Variants in CALN1 observed in about 807,000 individuals in gnomAD.
CALN1 encodes the protein calcium-binding protein 8.
A neutral mutation model predicts 30.6 loss-of-function variants in CALN1; 17 were observed. That is an observed-to-expected ratio of 0.56 (90% CI 0.38 to 0.83). The LOEUF (loss-of-function observed/expected upper bound fraction) is 0.83, where lower values mean the gene tolerates loss of function less well. CALN1 is among the 40% of genes least tolerant of loss of function. The pLI, the probability that CALN1 is intolerant of heterozygous loss-of-function variation, is 0.00. For missense variants in CALN1, 291 were observed against 354.9 expected, an observed-to-expected ratio of 0.82 and a Z score of 1.45; for synonymous variants, 156 against 131.4, an observed-to-expected ratio of 1.19 and a Z score of -1.28.
intron 5 of CALN1, among the ~76,000 whole-genome samples, chr7:71,934,399 G>A (rs1795722035): frequency 6.6e-6 from 1 of 152,114 alleles, no homozygotes; most frequent in Non-Finnish European, 1.5e-5. Flanking sequence ...AATTTATAAA[G>A]AAAAGAGGTT....
chr7:72,142,121 G>A (rs1019329710), intron 3 of CALN1, among the ~76,000 whole-genome samples: 1 of 152,150 alleles, frequency 6.6e-6, no homozygotes, highest in Non-Finnish European at 1.5e-5. Context: ...GTCAGACAGT[G>A]GGTGCAGGAC....
intron 2 of CALN1, among the ~76,000 whole-genome samples, chr7:72,346,476 T>C (rs1195765266): frequency 1.3e-5 from 2 of 152,160 alleles, no homozygotes; most frequent in East Asian, 3.8e-4. Flanking sequence ...GATTCTCCCA[T>C]ATATAATTTT....
At chr7:72,503,284 T>G in the CALN1 span, among the ~76,000 whole-genome samples, 1 of 152,190 alleles carries the variant, frequency 6.6e-6, no homozygotes. Flanking sequence ...TCCATTGCAG[T>G]GCCCTGACCC....
At chr7:72,159,060 C>T (rs2129544705) in intron 3 of CALN1, among the ~76,000 whole-genome samples, 1 of 152,088 alleles carries the variant, frequency 6.6e-6, no homozygotes, top group South Asian at 2.1e-4. Context: ...TCCATGTTGG[C>T]CAGGCTGGTC....
intron 5 of CALN1, among the ~76,000 whole-genome samples, chr7:71,941,460 A>G (rs1036492888): frequency 1.3e-5 from 2 of 152,202 alleles, no homozygotes; most frequent in Non-Finnish European, 2.9e-5. Flanking sequence ...GATGGTACCT[A>G]GATAACAAGA....
At chr7:72,499,770 T>TTCCTTCC in the CALN1 span, among the ~76,000 whole-genome samples, 2 of 127,142 alleles carry the variant, frequency 1.6e-5, no homozygotes, top group South Asian at 2.9e-4. Context: ...CAAAACTTTC[T>TTCCTTCC]TTCTTTCCTT....
At chr7:72,374,906 G>A (rs1804463126) in intron 2 of CALN1, among the ~76,000 whole-genome samples, 1 of 152,132 alleles carries the variant, frequency 6.6e-6, no homozygotes. Context: ...GGGATCATCT[G>A]TAAACACTGT....
chr7:72,281,835 T>C (rs1441262163), intron 2 of CALN1, among the ~76,000 whole-genome samples: 1 of 152,152 alleles, frequency 6.6e-6, no homozygotes, highest in East Asian at 1.9e-4. Context: ...AGCAAGCATC[T>C]CCAACCCACG....
intron 2 of CALN1, chr7:72,336,810 C>T (rs974735847): frequency 1.0e-6 from 1 of 985,032 alleles, no homozygotes; most frequent in Non-Finnish European, 1.2e-6. Context: ...AATGGATGCG[C>T]CGAGCGGGCA....
At chr7:72,159,150 C>A (rs753497898) in intron 3 of CALN1, among the ~76,000 whole-genome samples, 2 of 152,094 alleles carry the variant, frequency 1.3e-5, no homozygotes, top group Non-Finnish European at 2.9e-5. Context: ...CTGAGCCTGG[C>A]TGTTATTATG....
At chr7:72,353,321 G>C (rs1365451474) in intron 2 of CALN1, among the ~76,000 whole-genome samples, 1 of 151,996 alleles carries the variant, frequency 6.6e-6, no homozygotes, top group African/African-American at 2.4e-5. Flanking sequence ...TGCAAAAAAA[G>C]CCTTAACATA....
Position 71,784,019 on chromosome 7 carries a change from G to C in CALN1, c.*3756C>G, listed in dbSNP as rs1244467587. 1 of 152,182 alleles carries C rather than the reference G, an allele frequency of 6.6e-6. No homozygotes were observed. The highest frequency in any genetic ancestry group is 1.5e-5 in the Non-Finnish European group (1 of 68,032). The allele number at this position is 152,182 out of a possible 1,614,324, so 9.4% of individuals were successfully genotyped here. A position where few individuals can be genotyped will look rare whatever the true frequency, so the allele number is the denominator to read the frequency against. The stretch of plus-strand genomic sequence containing the variant: ...TAAACCTCAGTTCACCAAAGTTCAC[G>C]TGTTTGGCTTGCAGGAGTGTGCTCA... On this transcript the variant is annotated 3_prime_UTR_variant, in exon 7 of 7. Coordinates refer to ENST00000395275, the MANE Select transcript of CALN1 (RefSeq NM_031468.4).
At chr7:72,290,899 T>TC (rs1218919549) in intron 2 of CALN1, among the ~76,000 whole-genome samples, 1 of 150,100 alleles carries the variant, frequency 6.7e-6, no homozygotes, top group Admixed American at 6.8e-5. Flanking sequence ...TCATTATGAT[T>TC]CCTATACTTT....
At chr7:72,400,472 C>T (rs1209955511) in intron 2 of CALN1, among the ~76,000 whole-genome samples, 1 of 152,196 alleles carries the variant, frequency 6.6e-6, no homozygotes, top group African/African-American at 2.4e-5. Context: ...TTTGAACCGG[C>T]CATTGCTTGG....
At chr7:71,846,047 G>A (rs34038314) in intron 5 of CALN1, among the ~76,000 whole-genome samples, 26,028 of 151,640 alleles carry the variant, frequency 0.17, 3,733 homozygotes, top group East Asian at 0.51. Context: ...AGCCAAACTC[G>A]GTCTCCAAAA....
At chr7:72,159,571 G>A (rs149050217) in intron 3 of CALN1, among the ~76,000 whole-genome samples, 24,173 of 152,044 alleles carry the variant, frequency 0.16, 2,408 homozygotes, top group East Asian at 0.27. Context: ...GCCAAGGCAG[G>A]TGGATCACCT....
At chr7:72,146,650 C>T (rs1471923800) in intron 3 of CALN1, among the ~76,000 whole-genome samples, 1 of 152,096 alleles carries the variant, frequency 6.6e-6, no homozygotes, top group Non-Finnish European at 1.5e-5. Context: ...AAAAAGAGCC[C>T]ACATTGCCAA....
chr7:72,301,993 T>C (rs922272940), intron 2 of CALN1, among the ~76,000 whole-genome samples: 1 of 151,726 alleles, frequency 6.6e-6, no homozygotes, highest in Non-Finnish European at 1.5e-5. Flanking sequence ...AGAAGAGACC[T>C]TGGAAGAATT....
chr7:72,462,343 C>T, the CALN1 span, among the ~76,000 whole-genome samples: 1 of 152,196 alleles, frequency 6.6e-6, no homozygotes, highest in Admixed American at 6.6e-5. Context: ...GCACACCATG[C>T]CCAGCTTATT....
Sources: gnomAD v4.1 joint callset for allele counts (sites outside exome capture counted in the v4.1 genomes callset) on GRCh38, gnomAD v4.1.1 for gene constraint, MANE v1.5 for transcripts, NCBI Gene and HGNC (gene_info 2026-07-23, HGNC 2026-07-21) for gene names.